Variants in CNTNAP3B observed in about 807,000 individuals in gnomAD.
The protein encoded by CNTNAP3B is contactin-associated protein-like 3B.
In CNTNAP3B, 25 loss-of-function variants were observed where a neutral mutation model predicts 108.9. That is an observed-to-expected ratio of 0.23 (90% CI 0.17 to 0.32). The LOEUF (loss-of-function observed/expected upper bound fraction) is 0.32. Among genes scored for constraint, CNTNAP3B ranks in the 10% least tolerant of loss-of-function variants. The pLI, the probability that CNTNAP3B is intolerant of heterozygous loss-of-function variation, is 1.00. For missense variants in CNTNAP3B, 252 were observed against 1,210.4 expected, an observed-to-expected ratio of 0.21 and a Z score of 11.75; for synonymous variants, 103 against 473.4, an observed-to-expected ratio of 0.22 and a Z score of 10.16.
rs570934224 is a variant in CNTNAP3B, at chr9:41,917,352, C to T, written c.2995+2718G>A. On this transcript the variant is annotated intron_variant, in intron 18 of 23. Transcript: ENST00000377561. ...ACTCTCTTAGAGTTATCAACATTCTCTTAATTGCTTACTGCCAATATCTTC... is the reference window on the plus strand; with the variant it reads ...ACTCTCTTAGAGTTATCAACATTCTTTTAATTGCTTACTGCCAATATCTTC... Among the ~76,000 whole-genome samples, 55 of 141,470 alleles carry T rather than the reference C, an allele frequency of 3.9e-4. 9 individuals carry two copies. Among genetic ancestry groups the T allele is most frequent in the African/African-American group, 1.4e-3 (50 of 36,156 alleles). The allele number at this position is 141,470 out of a possible 152,430, so 92.8% of individuals were successfully genotyped here. A position where few individuals can be genotyped will look rare whatever the true frequency, so the allele number is the denominator to read the frequency against.
chr9:42,112,821 C>G lies in CNTNAP3B; in HGVS notation c.86-8082G>C, dbSNP rs541083173. ...GACCAAGGACTTTATTCTATGAGAACTACAAAAGACACAACACAAATGAAG... is the reference window on the plus strand; with the variant it reads ...GACCAAGGACTTTATTCTATGAGAAGTACAAAAGACACAACACAAATGAAG... On this transcript the variant is annotated intron_variant, in intron 1 of 23. Transcript: ENST00000377561. 1.3e-3 allele frequency among the ~76,000 whole-genome samples: 169 copies of G among 132,586 alleles called. 19 individuals carry two copies. The highest frequency in any genetic ancestry group is 5.5e-3 in the Admixed American group (73 of 13,234). 87.0% of individuals were successfully genotyped at this position (132,586 alleles called of 152,430 possible). A position where few individuals can be genotyped will look rare whatever the true frequency, so the allele number is the denominator to read the frequency against.
At chr9:41,934,703 T>C (rs1309285652) in intron 14 of CNTNAP3B, among the ~76,000 whole-genome samples, 77 of 152,384 alleles carry the variant, frequency 5.1e-4, no homozygotes, top group African/African-American at 1.7e-3. Context: ...AAATATTTTC[T>C]ATTCTTTTAG....
chr9:41,955,861 C>T (rs1244692157), intron 12 of CNTNAP3B, among the ~76,000 whole-genome samples: 2 of 152,264 alleles, frequency 1.3e-5, no homozygotes, highest in African/African-American at 4.8e-5. Flanking sequence ...AGATGTTCCT[C>T]AATTTATGAT....
At chr9:41,951,122 T>G (rs1206592040) in intron 13 of CNTNAP3B, among the ~76,000 whole-genome samples, 1 of 136,578 alleles carries the variant, frequency 7.3e-6, no homozygotes, top group African/African-American at 2.8e-5. Flanking sequence ...AGATTCCGGC[T>G]GTGATATTGC....
At chr9:42,024,452 AT>A (rs1297053130) in intron 3 of CNTNAP3B, among the ~76,000 whole-genome samples, 1 of 86,186 alleles carries the variant, frequency 1.2e-5, no homozygotes, top group African/African-American at 4.5e-5. Flanking sequence ...AGAATACAGA[AT>A]GGGTGGGAGG....
At chr9:42,061,621 GA>G (rs1227693490) in intron 3 of CNTNAP3B, among the ~76,000 whole-genome samples, 9 of 114,046 alleles carry the variant, frequency 7.9e-5, no homozygotes, top group Admixed American at 3.6e-4. Context: ...CAAATTTTCT[GA>G]AAATTCCTTC....
At position 42,097,055 on chromosome 9, in the gene CNTNAP3B, C is replaced by A. The variant is rs1475511432; in HGVS notation, c.196+7574G>T. Reference sequence around the variant, plus strand: ...GCGTGAACCACTGTGCCCGGTCCCGCACAGAAGTTTTTGATGTTAGGTGTG... The same window carrying A: ...GCGTGAACCACTGTGCCCGGTCCCGAACAGAAGTTTTTGATGTTAGGTGTG... On this transcript the variant is annotated intron_variant, in intron 2 of 23. Coordinates refer to ENST00000377561, the MANE Select transcript of CNTNAP3B (RefSeq NM_001201380.3). Among the ~76,000 whole-genome samples the A allele has an allele frequency of 3.6e-5, 5 of 139,130 alleles. 2 individuals carry two copies. The highest frequency in any genetic ancestry group is 1.4e-4 in the African/African-American group (5 of 34,990). 91.3% of individuals were successfully genotyped at this position (139,130 alleles called of 152,430 possible). A position where few individuals can be genotyped will look rare whatever the true frequency, so the allele number is the denominator to read the frequency against.
intron 3 of CNTNAP3B, among the ~76,000 whole-genome samples, chr9:42,018,101 A>C (rs1178999052): frequency 7.4e-6 from 1 of 136,050 alleles, no homozygotes; most frequent in Non-Finnish European, 1.6e-5. Flanking sequence ...TGAAGTAATT[A>C]AAATGTTTCT....
chr9:41,958,360 C>A (rs1824942074), intron 12 of CNTNAP3B, among the ~76,000 whole-genome samples: 2 of 152,420 alleles, frequency 1.3e-5, no homozygotes, highest in East Asian at 1.9e-4. Flanking sequence ...GTTGCCCAGA[C>A]TGGTCTCAAA....
chr9:41,979,669 T>TA (rs1300554834), intron 9 of CNTNAP3B: 1 of 29,802 alleles, frequency 3.4e-5, no homozygotes, highest in African/African-American at 7.4e-5. Flanking sequence ...ATATATATAT[T>TA]TTTTTTTTCA....
chr9:41,914,474 CTCT>C, intron 18 of CNTNAP3B, among the ~76,000 whole-genome samples: 1 of 152,052 alleles, frequency 6.6e-6, no homozygotes, highest in East Asian at 1.9e-4. Context: ...TCTTTTTACT[CTCT>C]TGATAGTGTT....
intron 3 of CNTNAP3B, among the ~76,000 whole-genome samples, chr9:42,026,819 A>T (rs1282433472): frequency 1.5e-5 from 2 of 137,134 alleles, no homozygotes; most frequent in Admixed American, 1.5e-4. Flanking sequence ...AATTTGTAGT[A>T]AGGTTTTGAA....
At chr9:41,956,492 G>A (rs910317812) in intron 12 of CNTNAP3B, among the ~76,000 whole-genome samples, 5 of 152,344 alleles carry the variant, frequency 3.3e-5, no homozygotes, top group Non-Finnish European at 7.3e-5. Context: ...TACTGTAAAC[G>A]GGGATTGTCT....
At chr9:41,964,926 C>G (rs1232613083) in intron 10 of CNTNAP3B, among the ~76,000 whole-genome samples, 7 of 152,240 alleles carry the variant, frequency 4.6e-5, no homozygotes, top group Admixed American at 6.5e-5. Context: ...ATGTGGCTAG[C>G]AAAACCAATT....
intron 3 of CNTNAP3B, among the ~76,000 whole-genome samples, chr9:42,060,286 CAT>C (rs1442754763): frequency 2.2e-5 from 3 of 133,980 alleles, no homozygotes; most frequent in Admixed American, 7.5e-5. Context: ...TTGAGATAAT[CAT>C]ATGTTTTTTG....
At chr9:41,924,543 G>C (rs1823755584) in intron 15 of CNTNAP3B, among the ~76,000 whole-genome samples, 1 of 151,970 alleles carries the variant, frequency 6.6e-6, no homozygotes, top group Admixed American at 6.5e-5. Context: ...TTTGGGACAT[G>C]TTTCATTTGA....
intron 2 of CNTNAP3B, among the ~76,000 whole-genome samples, chr9:42,103,426 A>C (rs866266494): frequency 2.4e-4 from 29 of 122,100 alleles, no homozygotes; most frequent in Middle Eastern, 9.1e-3. Flanking sequence ...GTTAAAAAAA[A>C]AAAAAAAAAA....
intron 1 of CNTNAP3B, among the ~76,000 whole-genome samples, chr9:42,121,762 A>G (rs1415355325): frequency 7.1e-6 from 1 of 140,112 alleles, no homozygotes; most frequent in African/African-American, 2.8e-5. Context: ...TATTTCTTAT[A>G]TCATGTTATA....
chr9:41,951,114 A>G (rs1185522628), intron 13 of CNTNAP3B, among the ~76,000 whole-genome samples: 4 of 133,362 alleles, frequency 3.0e-5, no homozygotes, highest in Non-Finnish European at 6.5e-5. Flanking sequence ...GGATGTCAAG[A>G]TTCCGGCTGT....
Sources: gnomAD v4.1 joint callset for allele counts (sites outside exome capture counted in the v4.1 genomes callset) on GRCh38, gnomAD v4.1.1 for gene constraint, MANE v1.5 for transcripts, NCBI Gene and HGNC (gene_info 2026-07-23, HGNC 2026-07-21) for gene names.